Variants in MROH2A observed in about 807,000 individuals in gnomAD.
MROH2A encodes maestro heat-like repeat-containing protein family member 2A.
MROH2A carries 174 observed loss-of-function variants against 200.4 expected under a neutral mutation model. That is an observed-to-expected ratio of 0.87 (90% CI 0.77 to 0.98). The LOEUF is 0.98. Ranked by LOEUF, MROH2A falls within the 50% of genes least tolerant of loss-of-function variation. The pLI is 0.00. For synonymous variants in MROH2A, 829 were observed against 840.4 expected (o/e 0.99, Z 0.23); for missense variants, 2,045 against 2,139.6 (o/e 0.96, Z 0.87).
Position 233,779,670 on chromosome 2 carries a change from G to T in MROH2A, c.95-1G>T. On this transcript the variant is annotated splice_acceptor_variant, in intron 2 of 41. Transcript: ENST00000389758. LOFTEE classifies it high-confidence loss of function. ...CACCTGGGTGGCGTTTGTTTTCATA[G>T]GTACCTTTCAACAAGTCGTGAACCT... The T allele has an allele frequency of 6.4e-7, 1 of 1,550,960 alleles. No individual in the cohort carries two copies. Among genetic ancestry groups the T allele is most frequent in the Non-Finnish European group, 8.7e-7 (1 of 1,147,034 alleles).
At chr2:233,814,213 G>A (rs1442408432) in intron 25 of MROH2A, among the ~76,000 whole-genome samples, 4 of 152,176 alleles carry the variant, frequency 2.6e-5, no homozygotes. Flanking sequence ...CTGAAACACA[G>A]TCACATGGCT....
At chr2:233,812,918 T>C (rs927521666) in intron 24 of MROH2A, among the ~76,000 whole-genome samples, 6 of 152,124 alleles carry the variant, frequency 3.9e-5, no homozygotes, top group African/African-American at 1.4e-4. Context: ...CAAGACACTT[T>C]GGGGGAGCAG....
chr2:233,809,918 T>C (rs111903908), intron 22 of MROH2A, among the ~76,000 whole-genome samples: 147 of 16,210 alleles, frequency 9.1e-3, no homozygotes, highest in African/African-American at 0.032. Flanking sequence ...TCCCTTCTCC[T>C]CCCAGCCCTG....
Position 233,809,114 on chromosome 2 carries a change from T to C in MROH2A, c.2296-12T>C. 6.5e-7 allele frequency: 1 copy of C among 1,543,710 alleles called. No homozygotes were observed. The highest frequency in any genetic ancestry group is 1.4e-5 in the African/African-American group (1 of 73,038). ...CTGCCCCCAGTGGTTCTTTTTCTCT[T>C]TGGCCTCGTAGAAGGACCATCCCTG... On this transcript the variant is annotated splice_polypyrimidine_tract_variant and intron_variant, in intron 21 of 41. Coordinates refer to ENST00000389758, the MANE Select transcript of MROH2A (RefSeq NM_001394639.1).
At position 233,812,986 on chromosome 2, in the gene MROH2A, A is replaced by T. The variant is rs79899086; in HGVS notation, c.2652-684A>T. 9.0e-3 allele frequency among the ~76,000 whole-genome samples: 1,377 copies of T among 152,276 alleles called. 128 individuals are homozygous for T. In the East Asian group the frequency reaches 0.21, roughly 23 times the overall value. On this transcript the variant is annotated intron_variant, in intron 24 of 41. Transcript: ENST00000389758. ...AGGGGCACAATAGAACTCATGGGGA[A>T]CTTTTAACAGTATGGATATCCAGGT...
rs917654493 is a variant in MROH2A, at chr2:233,832,553, G to A, written c.4838-26G>A. 2.7e-6 allele frequency: 4 copies of A among 1,503,558 alleles called. No homozygotes were observed. In the African/African-American group the frequency reaches 4.2e-5, roughly 16 times the overall value. The allele number at this position is 1,503,558 out of a possible 1,614,324, so 93.1% of individuals were successfully genotyped here. A position where few individuals can be genotyped will look rare whatever the true frequency, so the allele number is the denominator to read the frequency against. On this transcript the variant is annotated intron_variant, in intron 40 of 41. Transcript: ENST00000389758. The stretch of plus-strand genomic sequence containing the variant: ...CCTGCTGACCTAATACTCGCGTGAT[G>A]AGCATTTCTTTGGCTATTGTTTTAG...
chr2:233,802,393 A>G (rs1702530257), intron 15 of MROH2A, 78 bp downstream of exon 15: 1 of 1,440,778 alleles, frequency 6.9e-7, no homozygotes, highest in Non-Finnish European at 9.3e-7. Context: ...ACCCCTCTCC[A>G]CATTCCTCCC....
Position 233,829,686 on chromosome 2 carries a change from TC to T in MROH2A, c.4515del (p.Lys1506ArgfsTer9). ...FGKLARVVGM[S>X]KKHFFKGEVK... ...AAAGCTGGCAAGGGTGGTCGGGATG[TC>T]CAAGAAGCATTTCTTCAAAGGGGAG... On this transcript the variant is annotated frameshift_variant, in exon 38 of 42. Transcript: ENST00000389758. LOFTEE classifies it high-confidence loss of function. 1 of 1,494,640 alleles carries T rather than the reference TC, an allele frequency of 6.7e-7. No homozygotes were observed. Among genetic ancestry groups the T allele is most frequent in the South Asian group, 1.3e-5 (1 of 75,704 alleles). The allele number at this position is 1,494,640 out of a possible 1,614,324, so 92.6% of individuals were successfully genotyped here.
chr2:233,825,921 CTTT>C (rs34849761), intron 35 of MROH2A, among the ~76,000 whole-genome samples: 2 of 95,234 alleles, frequency 2.1e-5, no homozygotes, highest in African/African-American at 4.6e-5. Context: ...TTTCTTTTTC[CTTT>C]TTTTTTTTTT....
chr2:233,780,285 G>A (rs551836462), intron 3 of MROH2A, among the ~76,000 whole-genome samples: 2 of 152,314 alleles, frequency 1.3e-5, no homozygotes, highest in South Asian at 4.1e-4. Flanking sequence ...TTTGCATCAC[G>A]TGGTACCAGA....
rs1559436526 is a variant in MROH2A, at chr2:233,787,811, TTATATATAATATATATTATATATA to T, written c.277-1685_277-1662del. 9.4e-4 allele frequency among the ~76,000 whole-genome samples: 5 copies of T among 5,332 alleles called. 1 individual carries two copies. The highest frequency in any genetic ancestry group is 6.2e-3 in the African/African-American group (5 of 802). 3.5% of individuals were successfully genotyped at this position (5,332 alleles called of 152,430 possible). A position where few individuals can be genotyped will look rare whatever the true frequency, so the allele number is the denominator to read the frequency against. ...TCATATATAATATATATTATATATA[TTATATATAATATATATTATATATA>T]CATATATATTATATATACATATATA... On this transcript the variant is annotated intron_variant, in intron 3 of 41. Coordinates refer to ENST00000389758, the MANE Select transcript of MROH2A (RefSeq NM_001394639.1).
Position 233,793,699 on chromosome 2 carries a change from C to A in MROH2A, c.697C>A (p.Gln233Lys). ...CATGGAGACCTTCTGTGAGACGGTGCAGTTTTATCTGAAGCACCTGGAGGA... is the reference window on the plus strand; with the variant it reads ...CATGGAGACCTTCTGTGAGACGGTGAAGTTTTATCTGAAGCACCTGGAGGA... Reference protein sequence around the residue: ...SAMETFCETVQFYLKHLEESV... With the variant: ...SAMETFCETVKFYLKHLEESV... The change falls in exon 7 of 42, where the codon CAG (glutamine) becomes AAG (lysine). Residue 233 changes from glutamine (Q) to lysine (K), a missense_variant. Physicochemically the swap from Gln to Lys is moderately conservative, Grantham distance 53. Around this residue, in one of 3 missense-constraint regions of MROH2A, gnomAD observed 831 missense variants for 800.0 expected, o/e 1.04. Coordinates refer to ENST00000389758, the MANE Select transcript of MROH2A (RefSeq NM_001394639.1). The A allele has an allele frequency of 6.9e-7, 1 of 1,451,718 alleles. No homozygotes were observed. Among genetic ancestry groups the A allele is most frequent in the South Asian group, 1.5e-5 (1 of 67,180 alleles). The allele number at this position is 1,451,718 out of a possible 1,614,324, so 89.9% of individuals were successfully genotyped here.
chr2:233,822,667 TG>T, intron 33 of MROH2A, 111 bp downstream of exon 33: 1 of 1,238,622 alleles, frequency 8.1e-7, no homozygotes, highest in Non-Finnish European at 1.1e-6. Context: ...CTCCTCCTGG[TG>T]GGATCTGATC....
chr2:233,803,374 C>T, intron 15 of MROH2A, 74 bp from the exon 16 acceptor site: 2 of 1,506,600 alleles, frequency 1.3e-6, no homozygotes, highest in East Asian at 2.5e-5. Flanking sequence ...GGTAAAGTTC[C>T]TAGATGGGGA....
At chr2:233,800,151 C>G (rs1362381846) in intron 13 of MROH2A, 54 bp from the exon 14 acceptor site, 3 of 1,342,778 alleles carry the variant, frequency 2.2e-6, no homozygotes, top group Non-Finnish European at 3.1e-6. Context: ...CACCTGAGAC[C>G]ACGACAAACC....
chr2:233,789,961 A>G lies in MROH2A; in HGVS notation c.518A>G (p.Asn173Ser), dbSNP rs1418444544. 15 of 1,550,414 alleles carry G rather than the reference A, an allele frequency of 9.7e-6. No homozygotes were observed. In the South Asian group the frequency reaches 1.1e-4, roughly 11 times the overall value. Residue 173 changes from asparagine to serine, a missense_variant, in exon 5 of 42, where the codon AAC (asparagine) becomes AGC (serine). Physicochemically the swap from Asn to Ser is conservative, Grantham distance 46. Transcript: ENST00000389758. ...CTGCAGCACCACCTCAAGCCCCTCA[A>G]CCTCACTGATGAATTTGTCATCATC... is the stretch of plus-strand genomic sequence containing the variant. ...YELQHHLKPLNLTDEFVIITL... is the reference protein window; with the variant it reads ...YELQHHLKPLSLTDEFVIITL...
intron 35 of MROH2A, among the ~76,000 whole-genome samples, chr2:233,827,425 C>T (rs887072958): frequency 1.3e-5 from 2 of 152,138 alleles, no homozygotes; most frequent in Admixed American, 6.5e-5. Context: ...TTTGCAGGGA[C>T]ATGGATGAAG....
At chr2:233,779,532 C>G (rs1361254333) in intron 2 of MROH2A, 80 bp downstream of exon 2, 2 of 1,404,940 alleles carry the variant, frequency 1.4e-6, no homozygotes, top group African/African-American at 2.9e-5. Context: ...GCCTAGGTCT[C>G]CCTTTCTCCA....
rs1003671257 is a variant in MROH2A, at chr2:233,811,945, C to T, written c.2637C>T (p.Ala879=). The T allele has an allele frequency of 1.3e-6, 2 of 1,549,520 alleles. No individual in the cohort carries two copies. Among genetic ancestry groups the T allele is most frequent in the African/African-American group, 2.7e-5 (2 of 72,994 alleles). The change falls in exon 24 of 42, where the codon GCC becomes GCT. Residue 879 remains alanine, a synonymous_variant. Coordinates refer to ENST00000389758, the MANE Select transcript of MROH2A (RefSeq NM_001394639.1). ...CAGTGCGAGCCTTGGCGATGGAGGC[C>T]CTCTCGCACCTGAGGTGAGCTGGGT... ...VSPVRALAME[A]LSHLSKLKPF...
Sources: gnomAD v4.1 joint callset for allele counts (sites outside exome capture counted in the v4.1 genomes callset) on GRCh38, gnomAD v4.1.1 for gene constraint, gnomAD v4.1.1 regional missense constraint, MANE v1.5 for transcripts, NCBI Gene and HGNC (gene_info 2026-07-23, HGNC 2026-07-21) for gene names.